Variants in ADAMTSL1 observed in about 807,000 individuals in gnomAD.
ADAMTSL1 encodes ADAMTS-like protein 1.
Under a neutral mutation model 201.8 loss-of-function variants are expected in ADAMTSL1, and 126 were observed. That is an observed-to-expected ratio of 0.62 (90% confidence interval 0.54 to 0.72). The LOEUF (loss-of-function observed/expected upper bound fraction) is 0.72, where lower values mean the gene tolerates loss of function less well. ADAMTSL1 is among the 30% of genes least tolerant of loss of function. ADAMTSL1 has a pLI of 0.00. For synonymous variants in ADAMTSL1, 1,121 were observed against 903.4 expected (o/e 1.24, Z -4.32); for missense variants, 2,679 against 2,277.8 (o/e 1.18, Z -3.59).
At chr9:17,967,597 C>T (rs1818028707) in intron 1 of ADAMTSL1, among the ~76,000 whole-genome samples, 1 of 152,004 alleles carries the variant, frequency 6.6e-6, no homozygotes, top group Non-Finnish European at 1.5e-5. Flanking sequence ...TAAATATTTC[C>T]AATATAGATC....
intron 2 of ADAMTSL1, among the ~76,000 whole-genome samples, chr9:18,446,782 G>A (rs1208369934): frequency 1.3e-5 from 2 of 152,080 alleles, no homozygotes; most frequent in Admixed American, 6.5e-5. Context: ...TTGAACTTTC[G>A]GGTAATAGTG....
chr9:18,684,730 G>C lies in ADAMTSL1; in HGVS notation c.1504G>C (p.Glu502Gln). 6.2e-7 allele frequency: 1 copy of C among 1,612,928 alleles called. No homozygotes were observed. The highest frequency in any genetic ancestry group is 8.5e-7 in the Non-Finnish European group (1 of 1,179,640). ...CYKPKEKLPVEAKLPWFKQAQ... is the reference protein window; with the variant it reads ...CYKPKEKLPVQAKLPWFKQAQ... ...TGAATTCTCAGAGAAACTTCCAGTC[G>C]AGGCCAAGTTGCCATGGTTCAAACA... is the stretch of plus-strand genomic sequence containing the variant. The change falls in exon 13 of 29, where the codon GAG becomes CAG. Residue 502 changes from glutamate (E) to glutamine (Q), a missense_variant. By Grantham distance (29) the Glu-to-Gln change is conservative. Transcript: ENST00000380548.
At chr9:18,177,973 T>C (rs1244618309) in intron 2 of ADAMTSL1, among the ~76,000 whole-genome samples, 9 of 152,190 alleles carry the variant, frequency 5.9e-5, no homozygotes, top group Non-Finnish European at 8.8e-5. Context: ...TTAAAATTTT[T>C]GGCGGGTGAT....
At chr9:18,816,306 G>A (rs541158103) in intron 20 of ADAMTSL1, among the ~76,000 whole-genome samples, 24 of 152,002 alleles carry the variant, frequency 1.6e-4, no homozygotes, top group Non-Finnish European at 2.9e-4. Context: ...GTGTGACCTC[G>A]GCTCATTGCA....
At chr9:18,793,387 T>A (rs1418948138) in intron 19 of ADAMTSL1, 1 of 122,072 alleles carries the variant, frequency 8.2e-6, no homozygotes, top group Non-Finnish European at 2.0e-5. Flanking sequence ...AATGCAAATG[T>A]CATACAGCCT....
chr9:18,049,506 T>A (rs896952941), intron 1 of ADAMTSL1, among the ~76,000 whole-genome samples: 2 of 152,312 alleles, frequency 1.3e-5, no homozygotes, highest in Non-Finnish European at 2.9e-5. Flanking sequence ...TGCCATCTTA[T>A]AACCATGTGA....
At chr9:18,593,257 A>G (rs1466114169) in intron 4 of ADAMTSL1, among the ~76,000 whole-genome samples, 1 of 152,164 alleles carries the variant, frequency 6.6e-6, no homozygotes, top group Non-Finnish European at 1.5e-5. Flanking sequence ...AGTATGTTAA[A>G]TAACATGTTG....
chr9:18,705,212 T>G (rs1008430935), intron 13 of ADAMTSL1, among the ~76,000 whole-genome samples: 1 of 152,212 alleles, frequency 6.6e-6, no homozygotes, highest in African/African-American at 2.4e-5. Flanking sequence ...ATCAGTTCTT[T>G]CATTGTCTGC....
At chr9:18,599,235 A>G (rs1303645341) in intron 4 of ADAMTSL1, among the ~76,000 whole-genome samples, 2 of 152,182 alleles carry the variant, frequency 1.3e-5, no homozygotes, top group African/African-American at 4.8e-5. Context: ...TGTTTTTTGA[A>G]TAGGGTAACA....
chr9:18,586,700 A>G (rs1179792839), intron 4 of ADAMTSL1, among the ~76,000 whole-genome samples: 2 of 152,196 alleles, frequency 1.3e-5, no homozygotes, highest in Admixed American at 6.5e-5. Context: ...AAACTATAGT[A>G]CAGGACTACA....
intron 20 of ADAMTSL1, among the ~76,000 whole-genome samples, chr9:18,804,533 A>G (rs1278302052): frequency 1.3e-5 from 2 of 152,070 alleles, no homozygotes; most frequent in African/African-American, 4.8e-5. Flanking sequence ...TAACAAAGCA[A>G]CTCTTATGGG....
In ADAMTSL1 at chr9:18,875,507, G is replaced by T. The variant is rs189519921; in HGVS notation, c.4250-12324G>T. Among the ~76,000 whole-genome samples, 219 of 152,092 alleles carry T rather than the reference G, an allele frequency of 1.4e-3. 1 individual carries two copies. Among genetic ancestry groups the T allele is most frequent in the Non-Finnish European group, 2.2e-3 (149 of 67,948 alleles). On this transcript the variant is annotated intron_variant, in intron 23 of 28. Transcript: ENST00000380548. ...TAATTTCTACCTTGATTTCATTGTCGACACAACAGTCATTCAGGAGCAGGT... is the reference window on the plus strand; with the variant it reads ...TAATTTCTACCTTGATTTCATTGTCTACACAACAGTCATTCAGGAGCAGGT...
chr9:18,864,270 G>A (rs1470923351), intron 23 of ADAMTSL1, among the ~76,000 whole-genome samples: 1 of 152,176 alleles, frequency 6.6e-6, no homozygotes, highest in Non-Finnish European at 1.5e-5. Context: ...TTTCTGAGCT[G>A]TTTGGCTGGA....
At chr9:18,016,011 T>A (rs773397155) in intron 1 of ADAMTSL1, among the ~76,000 whole-genome samples, 42 of 152,044 alleles carry the variant, frequency 2.8e-4, no homozygotes, top group Admixed American at 2.7e-3. Context: ...GCAGATCTAA[T>A]CTTGTCTGCA....
intron 1 of ADAMTSL1, among the ~76,000 whole-genome samples, chr9:17,939,113 T>C (rs750318191): frequency 8.5e-5 from 13 of 152,258 alleles, no homozygotes; most frequent in Admixed American, 3.3e-4. Flanking sequence ...CTTCCACTCA[T>C]AGCTTATTTA....
chr9:18,733,714 C>G (rs1293913889), intron 15 of ADAMTSL1, among the ~76,000 whole-genome samples: 1 of 148,236 alleles, frequency 6.7e-6, no homozygotes, highest in African/African-American at 2.5e-5. Flanking sequence ...AAACCTGGGT[C>G]CTTGCCTCCT....
At chr9:18,638,919 A>G (rs1827267860) in intron 6 of ADAMTSL1, among the ~76,000 whole-genome samples, 1 of 152,124 alleles carries the variant, frequency 6.6e-6, no homozygotes. Context: ...ATTGAAGTCA[A>G]AAAGAGACAT....
At chr9:18,169,269 T>G (rs892335067) in intron 2 of ADAMTSL1, among the ~76,000 whole-genome samples, 3 of 151,974 alleles carry the variant, frequency 2.0e-5, no homozygotes, top group African/African-American at 7.2e-5. Context: ...GTCTAACATT[T>G]AAGTCTTTAA....
At chr9:18,477,351 G>A (rs1821503093) in intron 1 of ADAMTSL1, among the ~76,000 whole-genome samples, 1 of 152,170 alleles carries the variant, frequency 6.6e-6, no homozygotes, top group African/African-American at 2.4e-5. Context: ...TTATAATAAA[G>A]TACATGTGTT....
Sources: allele counts gnomAD v4.1 joint callset (sites outside exome capture counted in the v4.1 genomes callset), GRCh38; gene constraint gnomAD v4.1.1; transcripts MANE v1.5; gene names NCBI Gene and HGNC (gene_info 2026-07-23, HGNC 2026-07-21).